Variants in FAM210A observed in about 807,000 individuals in gnomAD.
The protein encoded by FAM210A is mitochondrial inner membrane scaffold 1, also known as family with sequence similarity 210 member A.
A neutral mutation model predicts 25.3 loss-of-function variants in FAM210A; 13 were observed. That is an observed-to-expected ratio of 0.51 (90% confidence interval 0.33 to 0.82). The LOEUF (loss-of-function observed/expected upper bound fraction) is 0.82, where lower values mean the gene tolerates loss of function less well. Ranked by LOEUF, FAM210A falls within the 40% of genes least tolerant of loss-of-function variation. FAM210A has a pLI of 0.02. For missense variants in FAM210A, 319 were observed against 323.2 expected, an observed-to-expected ratio of 0.99 and a Z score of 0.10; for synonymous variants, 125 against 118.7, an observed-to-expected ratio of 1.05 and a Z score of -0.35.
At chr18:13,678,428 T>C (rs1225976032) in intron 2 of FAM210A, among the ~76,000 whole-genome samples, 1 of 151,874 alleles carries the variant, frequency 6.6e-6, no homozygotes, top group Non-Finnish European at 1.5e-5. Context: ...TGCAATTCTG[T>C]AGTGTAATGC....
At chr18:13,669,445 C>T (rs1213661730) in intron 3 of FAM210A, among the ~76,000 whole-genome samples, 6 of 152,182 alleles carry the variant, frequency 3.9e-5, no homozygotes, top group Admixed American at 3.3e-4. Flanking sequence ...CCCTCAAATA[C>T]TCCCAGGATC....
chr18:13,703,658 C>T (rs952414950), intron 1 of FAM210A, among the ~76,000 whole-genome samples: 1 of 152,136 alleles, frequency 6.6e-6, no homozygotes, highest in African/African-American at 2.4e-5. Context: ...AATCTTACAA[C>T]TACTTAATTT....
chr18:13,710,126 G>A (rs2043809895), intron 1 of FAM210A: 1 of 152,084 alleles, frequency 6.6e-6, no homozygotes, highest in South Asian at 2.1e-4. Flanking sequence ...CTAATGAAAG[G>A]CCACAAGATT....
At chr18:13,701,486 A>C (rs1364087978) in intron 1 of FAM210A, among the ~76,000 whole-genome samples, 1 of 151,928 alleles carries the variant, frequency 6.6e-6, no homozygotes, top group Non-Finnish European at 1.5e-5. Flanking sequence ...TTTGTGTTCT[A>C]CCCCTTTGTT....
At chr18:13,711,536 A>T (rs1341218694) in intron 1 of FAM210A, among the ~76,000 whole-genome samples, 2 of 152,158 alleles carry the variant, frequency 1.3e-5, no homozygotes, top group Non-Finnish European at 2.9e-5. Context: ...ATTCTGTTAC[A>T]CATAATTACC....
At chr18:13,713,725 A>AAC (rs55691136) in intron 1 of FAM210A, among the ~76,000 whole-genome samples, 4,574 of 142,004 alleles carry the variant, frequency 0.032, 101 homozygotes, top group Middle Eastern at 0.056. Flanking sequence ...GTCACTATAA[A>AAC]ACACACACAC....
At chr18:13,721,481 T>A (rs548704865) in intron 1 of FAM210A, among the ~76,000 whole-genome samples, 1 of 152,318 alleles carries the variant, frequency 6.6e-6, no homozygotes, top group South Asian at 2.1e-4. Flanking sequence ...TCATCACCCC[T>A]GCATCCTTAA....
At position 13,681,656 on chromosome 18, in the gene FAM210A, T is replaced by C. The variant is rs2043554244; in HGVS notation, c.422A>G (p.His141Arg). 6 of 1,612,924 alleles carry C rather than the reference T, an allele frequency of 3.7e-6. No homozygotes were observed. The highest frequency in any genetic ancestry group is 5.1e-6 in the Non-Finnish European group (6 of 1,179,708). ...RQYGKVLIPV[H>R]LITSGVWFGT... ...AAACCAAACACCAGAAGTTATTAGA[T>C]GCACTGGAATCAGAACTTTTCCATA... Residue 141 changes from histidine to arginine, a missense_variant, in exon 2 of 4, where the codon CAT becomes CGT. Physicochemically the swap from His to Arg is conservative, Grantham distance 29 (BLOSUM62 0). Coordinates refer to ENST00000651643, the MANE Select transcript of FAM210A (RefSeq NM_152352.4).
chr18:13,676,837 C>T (rs1175197400), intron 2 of FAM210A, among the ~76,000 whole-genome samples: 4 of 152,146 alleles, frequency 2.6e-5, no homozygotes, highest in South Asian at 4.1e-4. Context: ...AGGAGATTCA[C>T]GTTAAGTACT....
chr18:13,726,410 C>T lies in FAM210A; in HGVS notation c.-110G>A, dbSNP rs917241152. The T allele has an allele frequency of 6.5e-6, 1 of 152,696 alleles. No individual in the cohort carries two copies. The highest frequency in any genetic ancestry group is 2.4e-5 in the African/African-American group (1 of 41,472). 9.5% of individuals were successfully genotyped at this position (152,696 alleles called of 1,614,324 possible). A position where few individuals can be genotyped will look rare whatever the true frequency, so the allele number is the denominator to read the frequency against. On this transcript the variant is annotated 5_prime_UTR_variant, in exon 1 of 4. It adds an upstream start codon to the 5' untranslated region. Coordinates refer to ENST00000651643, the MANE Select transcript of FAM210A (RefSeq NM_152352.4). ...CTCCTCGGATGCCACGGCGGTGTCA[C>T]TCAGCAGAGCAGCCCGACAAAGCGT...
At chr18:13,722,466 G>A (rs1941750) in intron 1 of FAM210A, among the ~76,000 whole-genome samples, 69,829 of 151,920 alleles carry the variant, frequency 0.46, 17,354 homozygotes, top group East Asian at 0.86. Context: ...GTCATTACAG[G>A]TTCTTCAGGC....
intron 2 of FAM210A, among the ~76,000 whole-genome samples, 198 bp downstream of exon 2, chr18:13,681,407 C>T (rs570599970): frequency 9.0e-4 from 137 of 152,268 alleles, no homozygotes; most frequent in African/African-American, 3.1e-3. Context: ...TAAGATGAAA[C>T]AGTTAAAAAC....
chr18:13,703,368 C>T (rs1601961658), intron 1 of FAM210A, among the ~76,000 whole-genome samples: 2 of 152,250 alleles, frequency 1.3e-5, no homozygotes, highest in East Asian at 3.9e-4. Context: ...AGATAAGACT[C>T]CTATAGGGGG....
At chr18:13,726,132 C>T (rs1258153579) in intron 1 of FAM210A, among the ~76,000 whole-genome samples, 197 bp downstream of exon 1, 1 of 152,232 alleles carries the variant, frequency 6.6e-6, no homozygotes, top group Admixed American at 6.5e-5. Flanking sequence ...GGGGACCTCT[C>T]TCGGCCGCCG....
intron 1 of FAM210A, among the ~76,000 whole-genome samples, chr18:13,684,797 C>CA (rs1232997369): frequency 2.2e-4 from 33 of 152,278 alleles, no homozygotes; most frequent in African/African-American, 7.7e-4. Flanking sequence ...AAGCAGACCC[C>CA]ATGCTGGGCC....
rs924109907 is a variant in FAM210A, at chr18:13,677,269, T to C, written c.473+4336A>G. 4.1e-4 allele frequency among the ~76,000 whole-genome samples: 62 copies of C among 152,090 alleles called. 4 individuals carry two copies. Among genetic ancestry groups the C allele is most frequent in the Non-Finnish European group, 2.9e-5 (2 of 68,018 alleles). The stretch of plus-strand genomic sequence containing the variant: ...TTTTGTGTTTTTAGTAGAGACAGGG[T>C]TTCACCATGTTAGCCAGGATGGTCT... On this transcript the variant is annotated intron_variant, in intron 2 of 3. Coordinates refer to ENST00000651643, the MANE Select transcript of FAM210A (RefSeq NM_152352.4).
At chr18:13,712,737 A>G (rs2043831252) in intron 1 of FAM210A, among the ~76,000 whole-genome samples, 1 of 152,188 alleles carries the variant, frequency 6.6e-6, no homozygotes, top group Non-Finnish European at 1.5e-5. Flanking sequence ...CATGAAAAAT[A>G]AATTTCCACT....
intron 1 of FAM210A, among the ~76,000 whole-genome samples, chr18:13,714,428 A>T (rs1437819870): frequency 6.6e-6 from 1 of 152,226 alleles, no homozygotes; most frequent in Non-Finnish European, 1.5e-5. Context: ...ATATGTAAAG[A>T]TGGGCCTTTT....
At position 13,680,599 on chromosome 18, in the gene FAM210A, T is replaced by G. The variant is rs78137559; in HGVS notation, c.473+1006A>C. Among the ~76,000 whole-genome samples the G allele has an allele frequency of 4.0e-3, 606 of 152,358 alleles. 4 individuals are homozygous for G. The highest frequency in any genetic ancestry group is 0.029 in the East Asian group (152 of 5,192). On this transcript the variant is annotated intron_variant, in intron 2 of 3. Coordinates refer to ENST00000651643, the MANE Select transcript of FAM210A (RefSeq NM_152352.4). The stretch of plus-strand genomic sequence containing the variant: ...TATAGCTTAGTCTGCAATAGGCTGC[T>G]TCTAAAGAGTGAGCTTTACGTACAA...
Sources: gnomAD v4.1 joint callset for allele counts (sites outside exome capture counted in the v4.1 genomes callset) on GRCh38, gnomAD v4.1.1 for gene constraint, MANE v1.5 for transcripts, NCBI Gene and HGNC (gene_info 2026-07-23, HGNC 2026-07-21) for gene names.